Variants in PAK5 observed in about 807,000 individuals in gnomAD.
PAK5 encodes p21 (RAC1) activated kinase 5, also known as serine/threonine-protein kinase PAK 5.
PAK5 carries 16 observed loss-of-function variants against 65.9 expected under a neutral mutation model. The observed-to-expected ratio is 0.24, with a 90% CI of 0.16 to 0.37. The LOEUF (loss-of-function observed/expected upper bound fraction) is 0.37, where lower values mean the gene tolerates loss of function less well. Ranked by LOEUF, PAK5 falls within the 10% of genes least tolerant of loss-of-function variation. PAK5 has a pLI of 1.00. For synonymous variants in PAK5, 371 were observed against 354.9 expected, an observed-to-expected ratio of 1.05 and a Z score of -0.51; for missense variants, 785 against 903.9, an observed-to-expected ratio of 0.87 and a Z score of 1.69.
At chr20:9,692,355 A>G (rs550791959) in intron 2 of PAK5, among the ~76,000 whole-genome samples, 2 of 152,322 alleles carry the variant, frequency 1.3e-5, no homozygotes, top group African/African-American at 2.4e-5. Flanking sequence ...AAATGCAAAT[A>G]TGCTCTCAGA....
chr20:9,598,810 T>C (rs956079059), intron 3 of PAK5, among the ~76,000 whole-genome samples: 1 of 152,204 alleles, frequency 6.6e-6, no homozygotes, highest in African/African-American at 2.4e-5. Flanking sequence ...GGGCTGTATG[T>C]TTTTTTCTTT....
At chr20:9,643,461 G>C (rs2047094776) in intron 3 of PAK5, among the ~76,000 whole-genome samples, 1 of 152,074 alleles carries the variant, frequency 6.6e-6, no homozygotes. Flanking sequence ...ACATTTCCTA[G>C]TTACATATTT....
intron 3 of PAK5, among the ~76,000 whole-genome samples, chr20:9,584,038 T>C (rs975015026): frequency 1.3e-5 from 2 of 152,202 alleles, no homozygotes; most frequent in Admixed American, 6.5e-5. Context: ...AATTGATGGA[T>C]TGATTGCCAA....
rs149380473 is a variant in PAK5 at position 9,558,018 on chromosome 20, T to G, written c.1617-284A>C. Among the ~76,000 whole-genome samples the G allele has an allele frequency of 4.3e-3, 561 of 130,068 alleles. 2 individuals carry two copies. Among genetic ancestry groups the G allele is most frequent in the African/African-American group, 0.019 (543 of 28,294 alleles). The allele number at this position is 130,068 out of a possible 152,430, so 85.3% of individuals were successfully genotyped here. On this transcript the variant is annotated intron_variant, in intron 6 of 9. Coordinates refer to ENST00000353224, the MANE Select transcript of PAK5 (RefSeq NM_177990.4). The stretch of plus-strand genomic sequence containing the variant: ...CACTTCCAGGAACTCATTTATTTAT[T>G]TATTTATTTATTTATTTATTTATTT...
In PAK5 at chr20:9,816,182, G is replaced by A. The variant is rs1020391169; in HGVS notation, c.-162+22580C>T. ...TTGTCCTCTGAAATATGTGATTATA[G>A]GGAGCATATATTCTGGGCAACTTGA... On this transcript the variant is annotated intron_variant, in intron 1 of 9. Transcript: ENST00000353224. Among the ~76,000 whole-genome samples the A allele has an allele frequency of 2.0e-5, 3 of 152,066 alleles. No individual in the cohort carries two copies. The East Asian group carries it at 5.8e-4, about 29-fold the overall frequency.
chr20:9,705,572 C>A (rs888994629), intron 2 of PAK5, among the ~76,000 whole-genome samples: 2 of 151,980 alleles, frequency 1.3e-5, no homozygotes, highest in Non-Finnish European at 2.9e-5. Context: ...CCATTTTGAT[C>A]GAGACTGTCC....
intron 3 of PAK5, among the ~76,000 whole-genome samples, chr20:9,635,547 G>T (rs534344468): frequency 6.6e-6 from 1 of 152,100 alleles, no homozygotes; most frequent in Non-Finnish European, 1.5e-5. Flanking sequence ...CTGCCACAGG[G>T]TCTTGGGACT....
chr20:9,568,690 G>A (rs2045724325), intron 4 of PAK5, among the ~76,000 whole-genome samples: 1 of 152,148 alleles, frequency 6.6e-6, no homozygotes, highest in South Asian at 2.1e-4. Flanking sequence ...GGAAGGGTTG[G>A]GTGCAGTGGC....
At chr20:9,675,298 A>G (rs1199842094) in intron 2 of PAK5, among the ~76,000 whole-genome samples, 1 of 152,170 alleles carries the variant, frequency 6.6e-6, no homozygotes, top group East Asian at 1.9e-4. Context: ...AGAAGCACAG[A>G]GGAGATTCTT....
rs1569030482 is a variant in PAK5 at position 9,669,148 on chromosome 20, C to A, written c.-11-24809G>T. Among the ~76,000 whole-genome samples the A allele has an allele frequency of 3.3e-5, 5 of 152,128 alleles. 1 individual carries two copies. The South Asian group carries it at 1.0e-3, about 32-fold the overall frequency. Reference sequence around the variant, plus strand: ...TATGTAACACATCTTTTAAGACACACACAGCAAATATTCAAACAGTGGGCA... The same window carrying A: ...TATGTAACACATCTTTTAAGACACAAACAGCAAATATTCAAACAGTGGGCA... On this transcript the variant is annotated intron_variant, in intron 2 of 9. Transcript: ENST00000353224.
chr20:9,762,592 G>A (rs1294767528), intron 1 of PAK5, among the ~76,000 whole-genome samples: 2 of 152,082 alleles, frequency 1.3e-5, no homozygotes, highest in Non-Finnish European at 2.9e-5. Context: ...TGTTAGAATG[G>A]TTATTATCAA....
chr20:9,617,596 C>T (rs187797227), intron 3 of PAK5, among the ~76,000 whole-genome samples: 7 of 136,414 alleles, frequency 5.1e-5, no homozygotes, highest in Non-Finnish European at 1.1e-4. Flanking sequence ...CGCTCTGTCA[C>T]CCAGGCTGGA....
chr20:9,678,333 C>T (rs780117315), intron 2 of PAK5, among the ~76,000 whole-genome samples: 2 of 152,150 alleles, frequency 1.3e-5, no homozygotes, highest in Admixed American at 6.5e-5. Context: ...TTCGGGAGGC[C>T]GAGGCAGGTG....
intron 2 of PAK5, among the ~76,000 whole-genome samples, chr20:9,652,703 A>G (rs1442408523): frequency 6.6e-6 from 1 of 152,146 alleles, no homozygotes; most frequent in Non-Finnish European, 1.5e-5. Flanking sequence ...TCATAATTCA[A>G]ACACACTTGC....
intron 1 of PAK5, among the ~76,000 whole-genome samples, chr20:9,726,178 T>G (rs1190154964): frequency 1.3e-5 from 2 of 152,136 alleles, no homozygotes; most frequent in Admixed American, 1.3e-4. Context: ...ACTTGGTTAT[T>G]TGTCATAAAT....
chr20:9,669,955 G>A (rs1485383580), intron 2 of PAK5, among the ~76,000 whole-genome samples: 2 of 151,788 alleles, frequency 1.3e-5, no homozygotes, highest in Non-Finnish European at 2.9e-5. Flanking sequence ...CCCAGAGTGT[G>A]ATGTTCCCCT....
intron 7 of PAK5, among the ~76,000 whole-genome samples, chr20:9,557,073 C>T (rs1048630002): frequency 6.6e-6 from 1 of 152,208 alleles, no homozygotes; most frequent in African/African-American, 2.4e-5. Context: ...CTCACCACTT[C>T]AGGCATGGGG....
chr20:9,767,924 TA>T (rs1185150924), intron 1 of PAK5, among the ~76,000 whole-genome samples: 10 of 152,058 alleles, frequency 6.6e-5, no homozygotes, highest in South Asian at 2.1e-4. Context: ...TATGCAACCA[TA>T]AAAAAAGAAT....
chr20:9,660,169 T>A (rs979481607), intron 2 of PAK5, among the ~76,000 whole-genome samples: 7 of 151,908 alleles, frequency 4.6e-5, no homozygotes, highest in African/African-American at 1.7e-4. Flanking sequence ...CTGAGGATAA[T>A]CCTGGCATGA....
Sources: allele counts gnomAD v4.1 joint callset (sites outside exome capture counted in the v4.1 genomes callset), GRCh38; gene constraint gnomAD v4.1.1; transcripts MANE v1.5; gene names NCBI Gene and HGNC (gene_info 2026-07-23, HGNC 2026-07-21).